The following NR3C1 variants were observed in gnomAD, a reference collection of about 807,000 sequenced individuals.
NR3C1 encodes the protein glucocorticoid receptor.
Under a neutral mutation model 74.0 loss-of-function variants are expected in NR3C1, and 14 were observed. The observed-to-expected ratio is 0.19, with a 90% CI of 0.12 to 0.30. The LOEUF (loss-of-function observed/expected upper bound fraction) is 0.30, where lower values mean the gene tolerates loss of function less well. Ranked by LOEUF, NR3C1 falls within the 10% of genes least tolerant of loss-of-function variation. The pLI is 1.00. For missense variants in NR3C1, 695 were observed against 909.8 expected (o/e 0.76, Z 3.04); for synonymous variants, 308 against 332.5 (o/e 0.93, Z 0.80).
At chr5:143,388,925 G>A (rs998116216) in intron 2 of NR3C1, among the ~76,000 whole-genome samples, 6 of 152,166 alleles carry the variant, frequency 3.9e-5, no homozygotes, top group African/African-American at 1.4e-4. Context: ...TCCATTAGTT[G>A]CTGAAGTCTC....
At chr5:143,355,561 C>T (rs1189622535) in intron 2 of NR3C1, among the ~76,000 whole-genome samples, 1 of 152,020 alleles carries the variant, frequency 6.6e-6, no homozygotes, top group Non-Finnish European at 1.5e-5. Flanking sequence ...ATAACATTTT[C>T]CCCCCAAATA....
rs1016790999 is a variant in NR3C1, at chr5:143,345,651, T to C, written c.1185-31483A>G. ...CTATGTGGTGACAGGGGGTGCTTCTTACAATTTTCACTTTGCAAATATTTA... is the reference window on the plus strand; with the variant it reads ...CTATGTGGTGACAGGGGGTGCTTCTCACAATTTTCACTTTGCAAATATTTA... On this transcript the variant is annotated intron_variant, in intron 2 of 8. Coordinates refer to ENST00000394464, the MANE Select transcript of NR3C1 (RefSeq NM_000176.3). Among the ~76,000 whole-genome samples, 5 of 152,250 alleles carry C rather than the reference T, an allele frequency of 3.3e-5. No homozygotes were observed. In the East Asian group the frequency reaches 9.6e-4, roughly 29 times the overall value.
At chr5:143,361,394 T>C (rs1244652716) in intron 2 of NR3C1, among the ~76,000 whole-genome samples, 1 of 152,254 alleles carries the variant, frequency 6.6e-6, no homozygotes, top group Non-Finnish European at 1.5e-5. Context: ...TTTCCATTGA[T>C]TTCTCTAAAA....
At chr5:143,350,462 C>T (rs1242688530) in intron 2 of NR3C1, among the ~76,000 whole-genome samples, 2 of 152,022 alleles carry the variant, frequency 1.3e-5, no homozygotes, top group African/African-American at 4.8e-5. Context: ...GTTGATAGCA[C>T]CATATATTTC....
At chr5:143,405,127 G>C (rs565009602), upstream of NR3C1, 6 of 985,614 alleles carry the variant, frequency 6.1e-6, no homozygotes, top group South Asian at 2.3e-4. Flanking sequence ...AGGCTTGGAC[G>C]ATGCCGGGAC....
At chr5:143,293,649 C>T (rs904305050) in intron 7 of NR3C1, among the ~76,000 whole-genome samples, 2 of 152,108 alleles carry the variant, frequency 1.3e-5, no homozygotes, top group Non-Finnish European at 2.9e-5. Flanking sequence ...AGGTTCCTGC[C>T]TTCACTTAGT....
chr5:143,358,310 T>C (rs1831547716), intron 2 of NR3C1, among the ~76,000 whole-genome samples: 1 of 152,220 alleles, frequency 6.6e-6, no homozygotes, highest in Non-Finnish European at 1.5e-5. Context: ...GGACAACTTC[T>C]ACATTAAAAG....
At chr5:143,294,260 T>C (rs923735638) in intron 7 of NR3C1, 4 of 984,034 alleles carry the variant, frequency 4.1e-6, no homozygotes, top group African/African-American at 1.7e-5. Flanking sequence ...AATTAAGACT[T>C]TTTAAAAAAT....
chr5:143,327,403 C>A (rs1360303993), intron 2 of NR3C1, among the ~76,000 whole-genome samples: 1 of 152,120 alleles, frequency 6.6e-6, no homozygotes, highest in East Asian at 1.9e-4. Flanking sequence ...GACACAGAGC[C>A]AAACCATATT....
At chr5:143,403,079 A>G in intron 1 of NR3C1, 132 bp downstream of exon 1, 3 of 487,440 alleles carry the variant, frequency 6.2e-6, no homozygotes, top group Non-Finnish European at 7.7e-6. Flanking sequence ...GGCCCTTGCC[A>G]GCCCCCCACC....
intron 2 of NR3C1, among the ~76,000 whole-genome samples, chr5:143,315,434 G>T (rs1032971972): frequency 6.6e-6 from 1 of 151,938 alleles, no homozygotes; most frequent in African/African-American, 2.4e-5. Flanking sequence ...GTTGATTCTG[G>T]AATTCTACAT....
At chr5:143,324,385 T>C (rs962536013) in intron 2 of NR3C1, among the ~76,000 whole-genome samples, 3 of 152,240 alleles carry the variant, frequency 2.0e-5, no homozygotes, top group Non-Finnish European at 2.9e-5. Context: ...CTCCACCCTC[T>C]GAAGTCACAG....
chr5:143,413,783 G>T (rs1412734256), intron 1 of NR3C1, among the ~76,000 whole-genome samples: 1 of 152,108 alleles, frequency 6.6e-6, no homozygotes, highest in East Asian at 1.9e-4. Flanking sequence ...ACTATGATGG[G>T]CAAAGCCTAG....
intron 2 of NR3C1, among the ~76,000 whole-genome samples, chr5:143,367,708 A>G (rs775000033): frequency 1.3e-5 from 2 of 152,238 alleles, no homozygotes; most frequent in Non-Finnish European, 2.9e-5. Flanking sequence ...AGACTTTTAT[A>G]TTGAAAACTA....
At chr5:143,295,228 A>G in intron 7 of NR3C1, 6 of 985,340 alleles carry the variant, frequency 6.1e-6, no homozygotes, top group Non-Finnish European at 7.2e-6. Flanking sequence ...ATCAACAGAG[A>G]TCCCTATGCA....
At chr5:143,414,441 C>A (rs1012521430) in intron 1 of NR3C1, among the ~76,000 whole-genome samples, 15 of 152,204 alleles carry the variant, frequency 9.9e-5, no homozygotes, top group African/African-American at 3.6e-4. Context: ...TGAATACTTG[C>A]TGATTAATTT....
chr5:143,391,243 G>T (rs1040908568), intron 2 of NR3C1, among the ~76,000 whole-genome samples: 2 of 152,060 alleles, frequency 1.3e-5, no homozygotes, highest in African/African-American at 4.8e-5. Context: ...GCTTTCCTCT[G>T]CTTTTATAAC....
chr5:143,402,542 T>C, intron 1 of NR3C1: 1 of 963,248 alleles, frequency 1.0e-6, no homozygotes, highest in Non-Finnish European at 1.2e-6. Context: ...AGCAAGCCCT[T>C]GCGGGGCGGG....
intron 2 of NR3C1, among the ~76,000 whole-genome samples, chr5:143,338,168 T>C (rs1026795883): frequency 1.2e-4 from 18 of 152,214 alleles, no homozygotes; most frequent in African/African-American, 4.8e-5. Flanking sequence ...ACCATGCTTA[T>C]GTTTGTGGTG....
Sources: allele counts gnomAD v4.1 joint callset (sites outside exome capture counted in the v4.1 genomes callset), GRCh38; gene constraint gnomAD v4.1.1; transcripts MANE v1.5; gene names NCBI Gene and HGNC (gene_info 2026-07-23, HGNC 2026-07-21).